Variants in CNGB3 observed in about 807,000 individuals in gnomAD.
CNGB3 encodes cyclic nucleotide-gated channel beta-3.
A neutral mutation model predicts 92.8 loss-of-function variants in CNGB3; 86 were observed. The observed-to-expected ratio is 0.93, with a 90% CI of 0.78 to 1.11. CNGB3 has a LOEUF of 1.11. Ranked by LOEUF, CNGB3 falls within the 50% of genes least tolerant of loss-of-function variation. CNGB3 has a pLI of 0.00. For synonymous variants in CNGB3, 333 were observed against 332.7 expected, an observed-to-expected ratio of 1.00 and a Z score of -0.01; for missense variants, 1,026 against 956.8, an observed-to-expected ratio of 1.07 and a Z score of -0.95.
At chr8:86,733,136 C>T (rs1825187246) in intron 2 of CNGB3, among the ~76,000 whole-genome samples, 1 of 152,112 alleles carries the variant, frequency 6.6e-6, no homozygotes, top group Non-Finnish European at 1.5e-5. Context: ...TTGTTCCCAT[C>T]TTTATGTCCA....
chr8:86,599,640 G>C (rs978438365), intron 15 of CNGB3, among the ~76,000 whole-genome samples: 1 of 152,248 alleles, frequency 6.6e-6, no homozygotes, highest in South Asian at 2.1e-4. Context: ...TGTCTTTTAC[G>C]GTCGCAGCTG....
intron 3 of CNGB3, among the ~76,000 whole-genome samples, chr8:86,694,862 G>T (rs1824415611): frequency 6.6e-6 from 1 of 152,044 alleles, no homozygotes; most frequent in African/African-American, 2.4e-5. Context: ...ACGATGGGCG[G>T]CCAGGCAGAG....
intron 14 of CNGB3, 111 bp downstream of exon 14, chr8:86,611,477 T>C: frequency 1.3e-6 from 1 of 788,098 alleles, no homozygotes. Context: ...ATTATTTCTA[T>C]ACTATGGAAT....
intron 13 of CNGB3, among the ~76,000 whole-genome samples, chr8:86,616,771 A>G (rs1822629949): frequency 6.6e-6 from 1 of 152,186 alleles, no homozygotes. Context: ...TAATGAATAT[A>G]TGGTCATCAC....
At chr8:86,591,274 C>A (rs547351388) in intron 15 of CNGB3, among the ~76,000 whole-genome samples, 1 of 147,536 alleles carries the variant, frequency 6.8e-6, no homozygotes, top group Non-Finnish European at 1.5e-5. Flanking sequence ...ACTTCTTTGC[C>A]TTTGGTTTGA....
chr8:86,675,229 C>T (rs1376411330), intron 3 of CNGB3, among the ~76,000 whole-genome samples: 1 of 151,916 alleles, frequency 6.6e-6, no homozygotes, highest in Non-Finnish European at 1.5e-5. Context: ...CCCAGAGTGC[C>T]GGCATTTCTT....
Position 86,576,070 on chromosome 8 carries a change from CTTTT to C in CNGB3, c.2160_2163del (p.Glu722MetfsTer106), listed in dbSNP as rs770450153. ...TTTTCTTTTTGTTTATCTTCATTTT[CTTTT>C]TGTTTATCTTCATTTTCTTTTCCTT... On this transcript the variant is annotated frameshift_variant, in exon 18 of 18. Transcript: ENST00000320005. LOFTEE classifies it low-confidence loss of function (END_TRUNC). 1.3e-6 allele frequency: 2 copies of C among 1,599,134 alleles called. No homozygotes were observed. Among genetic ancestry groups the C allele is most frequent in the Admixed American group, 3.4e-5 (2 of 58,674 alleles).
At chr8:86,585,699 CA>C (rs1211691609) in intron 15 of CNGB3, among the ~76,000 whole-genome samples, 1 of 152,128 alleles carries the variant, frequency 6.6e-6, no homozygotes, top group Non-Finnish European at 1.5e-5. Flanking sequence ...GGCTTAAAGA[CA>C]GGCAGAAATA....
chr8:86,704,947 G>A (rs1251514134), intron 3 of CNGB3, among the ~76,000 whole-genome samples: 2 of 152,088 alleles, frequency 1.3e-5, no homozygotes, highest in Non-Finnish European at 2.9e-5. Flanking sequence ...CTTTCGTTCA[G>A]AGGTCACCAG....
intron 10 of CNGB3, among the ~76,000 whole-genome samples, chr8:86,634,585 CATTT>C (rs1483713354): frequency 6.6e-6 from 1 of 151,988 alleles, no homozygotes; most frequent in African/African-American, 2.4e-5. Flanking sequence ...TTAAAAATGT[CATTT>C]ATATAAAGAA....
At chr8:86,584,845 A>C (rs1821861913) in intron 15 of CNGB3, among the ~76,000 whole-genome samples, 1 of 152,100 alleles carries the variant, frequency 6.6e-6, no homozygotes, top group Non-Finnish European at 1.5e-5. Context: ...TTTGATTTCC[A>C]CTCTAATCAT....
At chr8:86,684,271 A>C (rs1166891346) in intron 3 of CNGB3, among the ~76,000 whole-genome samples, 1 of 152,168 alleles carries the variant, frequency 6.6e-6, no homozygotes, top group Non-Finnish European at 1.5e-5. Context: ...GCTATTGGGA[A>C]ATGCAAATTA....
chr8:86,652,126 G>A (rs180812204), intron 7 of CNGB3, among the ~76,000 whole-genome samples: 3 of 152,070 alleles, frequency 2.0e-5, no homozygotes, highest in African/African-American at 7.2e-5. Flanking sequence ...ACTGTACTGA[G>A]TACTGTAGGG....
chr8:86,593,950 G>T, intron 15 of CNGB3: 1 of 525,660 alleles, frequency 1.9e-6, no homozygotes. Context: ...GGATCCTGTA[G>T]GAAGCCTCCA....
chr8:86,604,288 T>C (rs930407007), intron 14 of CNGB3, 77 bp from the exon 15 acceptor site: 1 of 936,240 alleles, frequency 1.1e-6, no homozygotes, highest in African/African-American at 1.7e-5. Context: ...AAATATAAAT[T>C]CTTTTAGAGG....
At chr8:86,730,415 T>C (rs1825138445) in intron 2 of CNGB3, among the ~76,000 whole-genome samples, 1 of 152,170 alleles carries the variant, frequency 6.6e-6, no homozygotes, top group South Asian at 2.1e-4. Flanking sequence ...CCTTCACTGG[T>C]TAGAATCTTT....
At chr8:86,625,430 T>A (rs1822826454) in intron 13 of CNGB3, among the ~76,000 whole-genome samples, 1 of 152,132 alleles carries the variant, frequency 6.6e-6, no homozygotes, top group Admixed American at 6.6e-5. Context: ...AATTTATATG[T>A]GATATAATGC....
chr8:86,593,787 C>A (rs1822107023), intron 15 of CNGB3: 3 of 1,332,618 alleles, frequency 2.3e-6, no homozygotes, highest in East Asian at 2.5e-5. Flanking sequence ...TCAATGAGCC[C>A]CTGGTAGTAG....
chr8:86,620,156 C>T (rs962647289), intron 13 of CNGB3, among the ~76,000 whole-genome samples: 1 of 152,144 alleles, frequency 6.6e-6, no homozygotes, highest in Admixed American at 6.5e-5. Flanking sequence ...TGTCCCAATG[C>T]TTAGAGCTCA....
Sources: allele counts gnomAD v4.1 joint callset (sites outside exome capture counted in the v4.1 genomes callset), GRCh38; gene constraint gnomAD v4.1.1; transcripts MANE v1.5; gene names NCBI Gene and HGNC (gene_info 2026-07-23, HGNC 2026-07-21).